N4BP2L2: variants seen among roughly 807,000 people sequenced by gnomAD.
N4BP2L2 encodes NEDD4 binding protein 2 like 2, also known as NEDD4-binding protein 2-like 2.
N4BP2L2 carries 50 observed loss-of-function variants against 56.2 expected under a neutral mutation model. That is an observed-to-expected ratio of 0.89 (90% CI 0.71 to 1.13). The LOEUF (loss-of-function observed/expected upper bound fraction) is 1.13, where lower values mean the gene tolerates loss of function less well. Among genes scored for constraint, N4BP2L2 ranks in the 50% most tolerant of loss-of-function variants. N4BP2L2 has a pLI of 0.00. For missense variants in N4BP2L2, 689 were observed against 693.8 expected, an observed-to-expected ratio of 0.99 and a Z score of 0.08; for synonymous variants, 203 against 223.6, an observed-to-expected ratio of 0.91 and a Z score of 0.82.
intron 6 of N4BP2L2, among the ~76,000 whole-genome samples, chr13:32,473,434 A>AG (rs1317661339): frequency 6.6e-6 from 1 of 152,210 alleles, no homozygotes; most frequent in Non-Finnish European, 1.5e-5. Context: ...TAGTTTGGGG[A>AG]GAAAAAAAAT....
intron 2 of N4BP2L2, among the ~76,000 whole-genome samples, chr13:32,533,586 A>C (rs2055643715): frequency 6.8e-6 from 1 of 146,092 alleles, no homozygotes; most frequent in Admixed American, 6.9e-5. Flanking sequence ...CAATGGCACG[A>C]TCATGGCTCA....
intron 6 of N4BP2L2, among the ~76,000 whole-genome samples, chr13:32,492,407 C>T (rs1033676033): frequency 6.6e-6 from 1 of 151,458 alleles, no homozygotes; most frequent in African/African-American, 2.4e-5. Context: ...CTCAGCCTCC[C>T]GAGTAGCTGG....
intron 6 of N4BP2L2, among the ~76,000 whole-genome samples, chr13:32,468,401 C>A (rs2081631904): frequency 1.3e-5 from 2 of 151,944 alleles, no homozygotes; most frequent in South Asian, 4.2e-4. Flanking sequence ...CTACTGTGTC[C>A]CAGACATTGT....
chr13:32,480,282 G>A (rs1482627534), intron 6 of N4BP2L2, among the ~76,000 whole-genome samples: 1 of 152,140 alleles, frequency 6.6e-6, no homozygotes, highest in Admixed American at 6.6e-5. Context: ...TATTGTTCAT[G>A]GAGGAGAGCA....
At chr13:32,438,312 T>C (rs1186943914) in intron 8 of N4BP2L2, among the ~76,000 whole-genome samples, 1 of 152,222 alleles carries the variant, frequency 6.6e-6, no homozygotes, top group East Asian at 1.9e-4. Context: ...GAAGAAATTA[T>C]GTTAATTGAA....
chr13:32,486,952 T>A (rs1451575495), intron 6 of N4BP2L2, among the ~76,000 whole-genome samples: 1 of 151,826 alleles, frequency 6.6e-6, no homozygotes, highest in Non-Finnish European at 1.5e-5. Flanking sequence ...TGAGCCGAGA[T>A]CACGCCACTG....
chr13:32,442,710 T>C (rs751445313), exon 7 of N4BP2L2: 2 of 1,613,638 alleles, frequency 1.2e-6, no homozygotes, highest in Admixed American at 1.7e-5. Flanking sequence ...TTGTAAAAGA[T>C]GGCTTCCAAA....
chr13:32,472,875 A>C (rs534066712), intron 6 of N4BP2L2, among the ~76,000 whole-genome samples: 1 of 152,368 alleles, frequency 6.6e-6, no homozygotes, highest in South Asian at 2.1e-4. Context: ...CATTATTAAT[A>C]TGTACCTACT....
At chr13:32,471,966 C>T (rs2082387122) in intron 6 of N4BP2L2, among the ~76,000 whole-genome samples, 1 of 152,318 alleles carries the variant, frequency 6.6e-6, no homozygotes. Context: ...ACTATTCTTG[C>T]CCAAAACATT....
intron 6 of N4BP2L2, among the ~76,000 whole-genome samples, chr13:32,469,424 T>C (rs572329913): frequency 4.6e-5 from 7 of 152,250 alleles, no homozygotes; most frequent in African/African-American, 1.4e-4. Flanking sequence ...TGGGTGTTTA[T>C]GACTGAGCAC....
intron 6 of N4BP2L2, among the ~76,000 whole-genome samples, chr13:32,499,934 C>G (rs1318659818): frequency 2.6e-5 from 4 of 152,226 alleles, no homozygotes; most frequent in African/African-American, 9.6e-5. Context: ...CATTCTTCTA[C>G]ACACCTAACC....
chr13:32,447,786 C>T (rs1218154377), intron 6 of N4BP2L2, among the ~76,000 whole-genome samples: 2 of 151,536 alleles, frequency 1.3e-5, no homozygotes, highest in Non-Finnish European at 2.9e-5. Context: ...AAGGACCCTG[C>T]TAATGTCTTT....
At chr13:32,465,466 T>C (rs570942002) in intron 6 of N4BP2L2, among the ~76,000 whole-genome samples, 1 of 152,268 alleles carries the variant, frequency 6.6e-6, no homozygotes, top group Admixed American at 6.5e-5. Flanking sequence ...CTTTAAAACT[T>C]TTTTGACTGT....
At chr13:32,526,848 CT>C (rs1403656970) in intron 3 of N4BP2L2, 6 of 49,738 alleles carry the variant, frequency 1.2e-4, no homozygotes, top group South Asian at 8.0e-4. Context: ...TTTTTTTTTG[CT>C]TTTTTTTAAA....
exon 6 of N4BP2L2, chr13:32,517,519 G>T (rs1296121665): frequency 2.7e-6 from 3 of 1,116,328 alleles, no homozygotes; most frequent in African/African-American, 3.2e-5. Flanking sequence ...TTTAAAATTC[G>T]ATTGTAGAAA....
Position 32,443,109 on chromosome 13 carries a change from CT to C in N4BP2L2, c.1382del (p.Lys461ArgfsTer4), listed in dbSNP as rs368595697. The C allele has an allele frequency of 1.4e-5, 23 of 1,610,658 alleles. No homozygotes were observed. The highest frequency in any genetic ancestry group is 1.9e-5 in the Non-Finnish European group (22 of 1,179,106). ...TATTTTTTGTTGATTCTAAGGCATT[CT>C]TTGGTATATCCGGTTGAGGTAAGCA... On this transcript the variant is annotated frameshift_variant, in exon 7 of 10. Coordinates refer to the N4BP2L2 transcript ENST00000357505. LOFTEE classifies it high-confidence loss of function.
Position 32,487,858 on chromosome 13 carries a change from T to G in N4BP2L2, c.365+29999A>C, listed in dbSNP as rs532366571. Among the ~76,000 whole-genome samples the G allele has an allele frequency of 7.4e-5, 10 of 134,424 alleles. No homozygotes were observed. The East Asian group carries it at 2.1e-3, about 28-fold the overall frequency. The allele number at this position is 134,424 out of a possible 152,430, so 88.2% of individuals were successfully genotyped here. A position where few individuals can be genotyped will look rare whatever the true frequency, so the allele number is the denominator to read the frequency against. Reference sequence around the variant, plus strand: ...TTATGCTTACTATATTAACTAAAATTTATTTGATTTTTTTTTTTGACGGAG... The same window carrying G: ...TTATGCTTACTATATTAACTAAAATGTATTTGATTTTTTTTTTTGACGGAG... On this transcript the variant is annotated intron_variant, in intron 6 of 9. Coordinates refer to the N4BP2L2 transcript ENST00000357505.
At chr13:32,470,710 A>T (rs1298722586) in intron 6 of N4BP2L2, among the ~76,000 whole-genome samples, 1 of 152,192 alleles carries the variant, frequency 6.6e-6, no homozygotes, top group Non-Finnish European at 1.5e-5. Flanking sequence ...AGCCCCCAGA[A>T]TGGGATGGCG....
chr13:32,521,376 T>C, exon 5 of N4BP2L2: 2 of 1,604,796 alleles, frequency 1.2e-6, no homozygotes, highest in Non-Finnish European at 1.7e-6. Flanking sequence ...GTCTTACTTT[T>C]CTAATTCTTC....
Sources: allele counts gnomAD v4.1 joint callset (sites outside exome capture counted in the v4.1 genomes callset), GRCh38; gene constraint gnomAD v4.1.1; transcripts MANE v1.5; gene names NCBI Gene and HGNC (gene_info 2026-07-23, HGNC 2026-07-21).